TENM2: variants seen among roughly 807,000 people sequenced by gnomAD.
TENM2 encodes the protein teneurin-2.
In TENM2, 52 loss-of-function variants were observed where a neutral mutation model predicts 245.2. The ratio of observed to expected loss-of-function variants is 0.21; its 90% CI spans 0.17 to 0.27. The LOEUF (loss-of-function observed/expected upper bound fraction) is 0.27, where lower values mean the gene tolerates loss of function less well. TENM2 is among the 10% of genes least tolerant of loss of function. The pLI is 1.00. For synonymous variants in TENM2, 1,363 were observed against 1,438.9 expected, an observed-to-expected ratio of 0.95 and a Z score of 1.19; for missense variants, 3,046 against 3,666.8, an observed-to-expected ratio of 0.83 and a Z score of 4.37.
At chr5:167,344,277 TGCAC>T (rs1164183162) in intron 1 of TENM2, among the ~76,000 whole-genome samples, 9 of 133,672 alleles carry the variant, frequency 6.7e-5, no homozygotes, top group Admixed American at 1.6e-4. Context: ...CACATGCACG[TGCAC>T]GCACACACAC....
chr5:167,424,993 A>G (rs78806243), intron 2 of TENM2, among the ~76,000 whole-genome samples: 1,571 of 152,326 alleles, frequency 0.01, 24 homozygotes, highest in African/African-American at 0.036. Flanking sequence ...TGCAATAAAT[A>G]TTTGCCAATG....
At chr5:167,325,129 T>C (rs1396874657) in intron 1 of TENM2, among the ~76,000 whole-genome samples, 6 of 152,344 alleles carry the variant, frequency 3.9e-5, no homozygotes, top group South Asian at 2.1e-4. Flanking sequence ...TTCAGAAAGA[T>C]TCTTTAAATA....
At chr5:167,439,704 A>G (rs918044822) in intron 2 of TENM2, among the ~76,000 whole-genome samples, 1 of 152,182 alleles carries the variant, frequency 6.6e-6, no homozygotes, top group Admixed American at 6.5e-5. Flanking sequence ...GTAACTTTCT[A>G]TATGTGGATA....
chr5:167,874,540 T>G (rs2151377030), intron 2 of TENM2, among the ~76,000 whole-genome samples: 1 of 152,246 alleles, frequency 6.6e-6, no homozygotes, highest in Middle Eastern at 3.4e-3. Flanking sequence ...TGTCCTCAAG[T>G]TTGCTTTCTC....
At chr5:168,077,439 T>A (rs190926939) in intron 7 of TENM2, among the ~76,000 whole-genome samples, 13 of 152,158 alleles carry the variant, frequency 8.5e-5, no homozygotes, top group African/African-American at 1.4e-4. Context: ...TTTTTTTTTT[T>A]AATTATACTT....
At chr5:167,664,539 G>A (rs1005435590) in intron 2 of TENM2, among the ~76,000 whole-genome samples, 9 of 152,228 alleles carry the variant, frequency 5.9e-5, no homozygotes, top group African/African-American at 9.6e-5. Flanking sequence ...TTTCTCCTCC[G>A]ACAAAACAAG....
At chr5:168,252,418 C>T (rs1274710563) in intron 27 of TENM2, among the ~76,000 whole-genome samples, 1 of 151,472 alleles carries the variant, frequency 6.6e-6, no homozygotes, top group Non-Finnish European at 1.5e-5. Context: ...CTGCAATGGC[C>T]TAGACTTTTC....
At chr5:167,466,340 A>G (rs1002294367) in intron 2 of TENM2, among the ~76,000 whole-genome samples, 2 of 152,208 alleles carry the variant, frequency 1.3e-5, no homozygotes, top group African/African-American at 2.4e-5. Flanking sequence ...TTCAAGTTCA[A>G]TTGGGTGTTA....
chr5:167,657,229 G>A (rs747721072), intron 2 of TENM2, among the ~76,000 whole-genome samples: 16 of 152,138 alleles, frequency 1.1e-4, no homozygotes, highest in African/African-American at 3.1e-4. Context: ...CATGGAATGC[G>A]ACGTTTAACT....
At chr5:167,164,296 T>C in the TENM2 span, among the ~76,000 whole-genome samples, 3 of 152,226 alleles carry the variant, frequency 2.0e-5, no homozygotes, top group Non-Finnish European at 4.4e-5. Flanking sequence ...TTCTAACAAA[T>C]GGAGTGGTTT....
At chr5:167,372,808 A>C (rs547578902) in intron 1 of TENM2, among the ~76,000 whole-genome samples, 103 of 152,378 alleles carry the variant, frequency 6.8e-4, no homozygotes, top group African/African-American at 2.4e-3. Context: ...GAAAAGCAAC[A>C]ATAGAAAGAT....
chr5:167,476,371 G>A (rs2127521239), intron 2 of TENM2, among the ~76,000 whole-genome samples: 1 of 152,276 alleles, frequency 6.6e-6, no homozygotes, highest in East Asian at 1.9e-4. Context: ...TAGGAAAAAT[G>A]TTGTTTCATT....
chr5:167,153,522 G>A, the TENM2 span, among the ~76,000 whole-genome samples: 1 of 151,996 alleles, frequency 6.6e-6, no homozygotes, highest in African/African-American at 2.4e-5. Flanking sequence ...GGAGGTGGAA[G>A]GGGAGACACG....
chr5:167,956,567 CT>C (rs1422122228), intron 4 of TENM2, among the ~76,000 whole-genome samples: 1 of 152,156 alleles, frequency 6.6e-6, no homozygotes, highest in Non-Finnish European at 1.5e-5. Context: ...AAAGGGAATG[CT>C]TCCAGCTTTT....
Position 168,247,917 on chromosome 5 carries a change from C to T in TENM2, c.6978C>T (p.Leu2326=), listed in dbSNP as rs751865317. The stretch of plus-strand genomic sequence containing the variant: ...ACCTGCAGTACTTCTACTCTGACCT[C>T]CACAACCCGACGCGCATCACCCATG... The change falls in exon 27 of 29, where the codon CTC becomes CTT. Residue 2326 remains leucine (L), a synonymous_variant. Coordinates refer to ENST00000518659, the Ensembl canonical transcript of TENM2. The surrounding 1 kb of genome is among the most constrained non-coding windows in gnomAD (Gnocchi z 7.8). 6.2e-7 allele frequency: 1 copy of T among 1,613,836 alleles called. No homozygotes were observed. The highest frequency in any genetic ancestry group is 1.3e-5 in the African/African-American group (1 of 74,920).
chr5:167,243,775 C>T, the TENM2 span, among the ~76,000 whole-genome samples: 1 of 152,166 alleles, frequency 6.6e-6, no homozygotes, highest in African/African-American at 2.4e-5. Context: ...CTTACCTTCT[C>T]CCTGATCCAA....
At chr5:167,396,370 T>C (rs540092209) in intron 2 of TENM2, among the ~76,000 whole-genome samples, 2 of 152,196 alleles carry the variant, frequency 1.3e-5, no homozygotes, top group South Asian at 2.1e-4. Flanking sequence ...GAAGAACATA[T>C]ACAGCATGCA....
chr5:167,883,958 A>G (rs924983807), intron 3 of TENM2, among the ~76,000 whole-genome samples: 1 of 152,200 alleles, frequency 6.6e-6, no homozygotes, highest in Admixed American at 6.5e-5. Context: ...TTAGACCCAT[A>G]CCCAAAATAA....
chr5:167,716,638 C>T (rs1337343891), intron 2 of TENM2, among the ~76,000 whole-genome samples: 1 of 152,096 alleles, frequency 6.6e-6, no homozygotes, highest in Admixed American at 6.5e-5. Context: ...ATGAGCTTTA[C>T]AGCTTCCAGT....
Sources: gnomAD v4.1 joint callset for allele counts (sites outside exome capture counted in the v4.1 genomes callset) on GRCh38, gnomAD v4.1.1 for gene constraint, Gnocchi (gnomAD v3.1) non-coding constraint, MANE v1.5 for transcripts, NCBI Gene and HGNC (gene_info 2026-07-23, HGNC 2026-07-21) for gene names.